FBN1: variants seen among roughly 807,000 people sequenced by gnomAD.
FBN1 encodes fibrillin-1.
FBN1 carries 29 observed loss-of-function variants against 365.1 expected under a neutral mutation model. The observed-to-expected ratio is 0.08, with a 90% confidence interval of 0.06 to 0.11. FBN1 has a LOEUF of 0.11. Ranked by LOEUF, FBN1 falls within the 10% of genes least tolerant of loss-of-function variation. The pLI, the probability that FBN1 is intolerant of heterozygous loss-of-function variation, is 1.00. For missense variants in FBN1, 2,476 were observed against 3,703.2 expected, an observed-to-expected ratio of 0.67 and a Z score of 8.60; for synonymous variants, 1,210 against 1,270.5, an observed-to-expected ratio of 0.95 and a Z score of 1.01.
At position 48,411,367 on chromosome 15, in the gene FBN1, T is replaced by C. The variant is rs2042862271; in HGVS notation, c.8239A>G (p.Thr2747Ala). 6.2e-7 allele frequency: 1 copy of C among 1,614,024 alleles called. No homozygotes were observed. The change falls in exon 66 of 66, where the codon ACA (threonine) becomes GCA (alanine). Residue 2747 changes from threonine (T) to alanine (A), a missense_variant. Thr to Ala is a moderately conservative substitution (Grantham distance 58). This residue lies in a region of FBN1 where 177 missense variants were observed against 192.7 expected (regional missense o/e 0.92). Coordinates refer to ENST00000316623, the MANE Select transcript of FBN1 (RefSeq NM_000138.5). The part of the protein sequence containing the change: ...DASNIEDQSE[T>A]EANVSLASWD... Reference sequence around the variant, plus strand: ...CTTGCAAGACTCACATTGGCTTCTGTCTCAGACTGATCCTGGAAAGACACA... The same window carrying C: ...CTTGCAAGACTCACATTGGCTTCTGCCTCAGACTGATCCTGGAAAGACACA...
At chr15:48,466,850 G>C (rs1331770569) in intron 38 of FBN1, among the ~76,000 whole-genome samples, 2 of 151,810 alleles carry the variant, frequency 1.3e-5, no homozygotes, top group Non-Finnish European at 2.9e-5. Flanking sequence ...CATACTTTTT[G>C]AATTTCTTCT....
At position 48,469,093 on chromosome 15, in the gene FBN1, TAAAATATAATATATATTAC is replaced by T. The variant is rs765196323; in HGVS notation, c.4460-578_4460-560del. Among the ~76,000 whole-genome samples, 123 of 103,306 alleles carry T rather than the reference TAAAATATAATATATATTAC, an allele frequency of 1.2e-3. 1 individual carries two copies. Among genetic ancestry groups the T allele is most frequent in the African/African-American group, 4.3e-3 (107 of 25,074 alleles). 67.8% of individuals were successfully genotyped at this position (103,306 alleles called of 152,430 possible). A position where few individuals can be genotyped will look rare whatever the true frequency, so the allele number is the denominator to read the frequency against. ...AAAAAAAAAAAAATATATATATATA[TAAAATATAATATATATTAC>T]ATATATATATAAAATATAATATATA... On this transcript the variant is annotated intron_variant, in intron 36 of 65. Coordinates refer to ENST00000316623, the MANE Select transcript of FBN1 (RefSeq NM_000138.5).
chr15:48,599,079 C>G (rs1044076099), intron 5 of FBN1, among the ~76,000 whole-genome samples: 1 of 152,176 alleles, frequency 6.6e-6, no homozygotes. Context: ...GTCCAATAAA[C>G]CTCTTTCTTT....
chr15:48,410,920 T>C lies in FBN1; in HGVS notation c.*70A>G, dbSNP rs2042855324. 11 of 1,376,862 alleles carry C rather than the reference T, an allele frequency of 8.0e-6. No homozygotes were observed. The highest frequency in any genetic ancestry group is 1.1e-5 in the Non-Finnish European group (11 of 983,798). The allele number at this position is 1,376,862 out of a possible 1,614,324, so 85.3% of individuals were successfully genotyped here. ...TGTACCTATGATATGATGATTCTGA[T>C]TGGGGGAAAATATAGTTCTACCTAT... On this transcript the variant is annotated 3_prime_UTR_variant, in exon 66 of 66. Coordinates refer to ENST00000316623, the MANE Select transcript of FBN1 (RefSeq NM_000138.5).
intron 41 of FBN1, 28 bp downstream of exon 41, chr15:48,463,871 T>C (rs755181969): frequency 3.8e-6 from 6 of 1,591,588 alleles, no homozygotes; most frequent in Admixed American, 3.5e-5. Context: ...GAACCAAACA[T>C]GCATTACTGA....
intron 61 of FBN1, 100 bp from the exon 62 acceptor site, chr15:48,421,786 T>C: frequency 1.4e-6 from 2 of 1,424,798 alleles, no homozygotes; most frequent in Non-Finnish European, 1.9e-6. Flanking sequence ...AAAGGCCAAA[T>C]AAGGCCAACA....
intron 18 of FBN1, 57 bp from the exon 19 acceptor site, chr15:48,497,448 T>C: frequency 2.0e-6 from 3 of 1,510,932 alleles, no homozygotes; most frequent in Non-Finnish European, 2.7e-6. Flanking sequence ...ACTGAATGAA[T>C]TGTTAAAAAT....
At chr15:48,600,870 T>C (rs2044559724) in intron 4 of FBN1, among the ~76,000 whole-genome samples, 1 of 152,168 alleles carries the variant, frequency 6.6e-6, no homozygotes, top group Non-Finnish European at 1.5e-5. Flanking sequence ...AAGATTATGA[T>C]GGCAATAATT....
Position 48,409,141 on chromosome 15 carries a change from G to A in FBN1, c.*1849C>T, listed in dbSNP as rs1427443158. ...CTTTAAGATGTTAATGGCCTGTTAG[G>A]TGGAAGAAAGCATCTTTGTCCAATG... On this transcript the variant is annotated 3_prime_UTR_variant, in exon 66 of 66. Transcript: ENST00000316623. 1.3e-5 allele frequency: 2 copies of A among 152,198 alleles called. No homozygotes were observed. The highest frequency in any genetic ancestry group is 2.9e-5 in the Non-Finnish European group (2 of 68,042). The allele number at this position is 152,198 out of a possible 1,614,324, so 9.4% of individuals were successfully genotyped here.
rs2044277608 is a variant in FBN1, at chr15:48,568,362, A to T, written c.538+27921T>A. 2.0e-5 allele frequency among the ~76,000 whole-genome samples: 3 copies of T among 152,080 alleles called. No individual in the cohort carries two copies. In the South Asian group the frequency reaches 6.2e-4, roughly 32 times the overall value. ...AAAACATTGCCAAGATAAGTCGAAA[A>T]ATCTTTAAATAAGTGGAGAGGCATT... is the stretch of plus-strand genomic sequence containing the variant. On this transcript the variant is annotated intron_variant, in intron 6 of 65. Transcript: ENST00000316623.
chr15:48,585,223 G>A (rs1461954451), intron 6 of FBN1, among the ~76,000 whole-genome samples: 1 of 152,222 alleles, frequency 6.6e-6, no homozygotes, highest in Non-Finnish European at 1.5e-5. Context: ...CAGGCAACAA[G>A]ATAAGGGCTC....
At chr15:48,550,512 C>T (rs2044133214) in intron 6 of FBN1, among the ~76,000 whole-genome samples, 1 of 152,128 alleles carries the variant, frequency 6.6e-6, no homozygotes, top group Non-Finnish European at 1.5e-5. Flanking sequence ...ATTGCTACTG[C>T]TTTAGTGTAG....
intron 6 of FBN1, among the ~76,000 whole-genome samples, chr15:48,542,832 T>TGTGTG (rs1491435027): frequency 1.4e-5 from 2 of 147,798 alleles, no homozygotes; most frequent in African/African-American, 2.5e-5. Flanking sequence ...TGTGTGTGTA[T>TGTGTG]TTTTTTTCCT....
intron 6 of FBN1, among the ~76,000 whole-genome samples, chr15:48,582,772 C>T (rs749258015): frequency 1.2e-4 from 19 of 152,132 alleles, no homozygotes; most frequent in Non-Finnish European, 2.1e-4. Context: ...AGTTCATTAA[C>T]GTTTCTGGGG....
At chr15:48,427,490 A>G (rs1356817773) in intron 58 of FBN1, 77 bp downstream of exon 58, 16 of 1,472,728 alleles carry the variant, frequency 1.1e-5, no homozygotes, top group African/African-American at 2.8e-5. Flanking sequence ...TGCAAACTCC[A>G]TATTTTCATC....
At chr15:48,419,054 G>A (rs1225636031) in intron 63 of FBN1, among the ~76,000 whole-genome samples, 2 of 152,148 alleles carry the variant, frequency 1.3e-5, no homozygotes, top group Admixed American at 1.3e-4. Context: ...GGGAGGGCTG[G>A]TCTAAGAGAT....
chr15:48,591,464 C>T (rs1235660720), intron 6 of FBN1, among the ~76,000 whole-genome samples: 1 of 152,228 alleles, frequency 6.6e-6, no homozygotes, highest in Admixed American at 6.5e-5. Context: ...CATATGTCTA[C>T]TTCCAGGCAT....
chr15:48,420,676 A>C lies in FBN1; in HGVS notation c.7819+11T>G. The C allele has an allele frequency of 6.2e-7, 1 of 1,613,898 alleles. No homozygotes were observed. The highest frequency in any genetic ancestry group is 1.1e-5 in the South Asian group (1 of 91,076). ...AGCCATGCATCTTGAGAGTGAGGAAAAGTTACTTGCCAACACACTGGTTCC... is the reference window on the plus strand; with the variant it reads ...AGCCATGCATCTTGAGAGTGAGGAACAGTTACTTGCCAACACACTGGTTCC... On this transcript the variant is annotated intron_variant, in intron 63 of 65. Coordinates refer to ENST00000316623, the MANE Select transcript of FBN1 (RefSeq NM_000138.5).
intron 9 of FBN1, among the ~76,000 whole-genome samples, chr15:48,524,565 C>T (rs1393985332): frequency 6.6e-6 from 1 of 152,090 alleles, no homozygotes; most frequent in Non-Finnish European, 1.5e-5. Context: ...ATTATGGGCA[C>T]AACAGAGTTG....
Sources: allele counts gnomAD v4.1 joint callset (sites outside exome capture counted in the v4.1 genomes callset), GRCh38; gene constraint gnomAD v4.1.1; regional missense constraint gnomAD v4.1.1; transcripts MANE v1.5; gene names NCBI Gene and HGNC (gene_info 2026-07-23, HGNC 2026-07-21).